KASH5: variants seen among roughly 807,000 people sequenced by gnomAD.
The protein encoded by KASH5 is KASH domain containing 5.
In KASH5, 72 loss-of-function variants were observed where a neutral mutation model predicts 84.2. The observed-to-expected ratio is 0.85, with a 90% CI of 0.71 to 1.04. The LOEUF (loss-of-function observed/expected upper bound fraction) is 1.04, where lower values mean the gene tolerates loss of function less well. Ranked by LOEUF, KASH5 falls within the 50% of genes least tolerant of loss-of-function variation. KASH5 has a pLI of 0.00. For missense variants in KASH5, 650 were observed against 701.0 expected, an observed-to-expected ratio of 0.93 and a Z score of 0.82; for synonymous variants, 260 against 279.1, an observed-to-expected ratio of 0.93 and a Z score of 0.68.
intron 9 of KASH5, among the ~76,000 whole-genome samples, chr19:49,405,956 C>CAAAAA (rs59895865): frequency 1.2e-4 from 8 of 67,844 alleles, no homozygotes; most frequent in African/African-American, 4.0e-4. Flanking sequence ...AACTCCGTCT[C>CAAAAA]AAAAAAAAAA....
intron 2 of KASH5, among the ~76,000 whole-genome samples, chr19:49,392,265 G>A (rs1482033061): frequency 6.6e-6 from 1 of 152,124 alleles, no homozygotes; most frequent in African/African-American, 2.4e-5. Context: ...CACAGAGACT[G>A]AGATACAGGG....
rs2122128630 is a variant in KASH5 at position 49,397,962 on chromosome 19, A to G, written c.468-20A>G. On this transcript the variant is annotated intron_variant, in intron 6 of 19. Coordinates refer to ENST00000447857, the MANE Select transcript of KASH5 (RefSeq NM_144688.5). ...GTCAGGGGCTGTGGACAGTGACCTG[A>G]ACCCCTTCCTTGCCCCTAGACAAGC... 1 of 1,612,570 alleles carries G rather than the reference A, an allele frequency of 6.2e-7. No individual in the cohort carries two copies. Among genetic ancestry groups the G allele is most frequent in the South Asian group, 1.1e-5 (1 of 90,820 alleles).
rs1974288463 is a variant in KASH5 at position 49,399,377 on chromosome 19, T to A, written c.748-80T>A. On this transcript the variant is annotated intron_variant, in intron 8 of 19. Coordinates refer to ENST00000447857, the MANE Select transcript of KASH5 (RefSeq NM_144688.5). The surrounding 1 kb of genome is among the most constrained non-coding windows in gnomAD (Gnocchi z 4.4). ...CCCATTCCCCCAGGCCCTGGTTGTG[T>A]TTTCAGGGGTGGGAGAAGGGCAACA... The A allele has an allele frequency of 7.1e-7, 1 of 1,399,440 alleles. No homozygotes were observed. The highest frequency in any genetic ancestry group is 1.4e-5 in the African/African-American group (1 of 70,394). The allele number at this position is 1,399,440 out of a possible 1,614,324, so 86.7% of individuals were successfully genotyped here.
intron 2 of KASH5, among the ~76,000 whole-genome samples, chr19:49,394,076 T>C (rs558312617): frequency 1.3e-5 from 2 of 152,234 alleles, no homozygotes; most frequent in East Asian, 3.9e-4. Flanking sequence ...TATTGGATTG[T>C]TCCTGGCTCC....
chr19:49,417,383 C>T lies in KASH5; in HGVS notation c.1562C>T (p.Pro521Leu). Residue 521 changes from proline (P) to leucine (L), a missense_variant, in exon 20 of 20, where the codon CCA becomes CTA. By Grantham distance (98) the Pro-to-Leu change is moderately conservative. Transcript: ENST00000447857. This position sits in a 1 kb window ranked among gnomAD's most constrained non-coding sequence, Gnocchi z 5.2. ...PPQRLRVTRH[P>L]LIPAPVLGLL... ...CTCCCCACCAGAGTCACTCGACATCCACTGATCCCAGCTCCTGTCCTGGGC... is the reference window on the plus strand; with the variant it reads ...CTCCCCACCAGAGTCACTCGACATCTACTGATCCCAGCTCCTGTCCTGGGC... The T allele has an allele frequency of 5.1e-6, 8 of 1,553,678 alleles. No homozygotes were observed. The highest frequency in any genetic ancestry group is 6.1e-6 in the Non-Finnish European group (7 of 1,147,952).
intron 9 of KASH5, among the ~76,000 whole-genome samples, chr19:49,403,685 G>A (rs1209867505): frequency 6.6e-6 from 1 of 151,264 alleles, no homozygotes; most frequent in Non-Finnish European, 1.5e-5. Context: ...CTCAGACAGA[G>A]AGAGTAGATC....
In KASH5 at chr19:49,417,748, C is replaced by G; in HGVS notation, c.*238C>G. ...CACTAAGGATTATTCCCTCACAAAA[C>G]AAGCCTGGCGAGGGCAGCTGTGGGC... On this transcript the variant is annotated 3_prime_UTR_variant, in exon 20 of 20. Coordinates refer to ENST00000447857, the MANE Select transcript of KASH5 (RefSeq NM_144688.5). The surrounding 1 kb of genome is among the most constrained non-coding windows in gnomAD (Gnocchi z 5.2). 1 of 495,596 alleles carries G rather than the reference C, an allele frequency of 2.0e-6. No homozygotes were observed. The highest frequency in any genetic ancestry group is 3.2e-6 in the Non-Finnish European group (1 of 311,468). 30.7% of individuals were successfully genotyped at this position (495,596 alleles called of 1,614,324 possible). A position where few individuals can be genotyped will look rare whatever the true frequency, so the allele number is the denominator to read the frequency against.
intron 2 of KASH5, among the ~76,000 whole-genome samples, 194 bp downstream of exon 2, chr19:49,391,120 A>T (rs1055366325): frequency 2.0e-5 from 3 of 151,904 alleles, no homozygotes; most frequent in Non-Finnish European, 2.9e-5. Context: ...ACCTGTCACT[A>T]CCCCTTATCT....
At chr19:49,409,646 ATC>A in intron 14 of KASH5, 105 bp from the exon 15 acceptor site, 2 of 1,400,950 alleles carry the variant, frequency 1.4e-6, no homozygotes, top group Non-Finnish European at 2.0e-6. Flanking sequence ...GCCCTTTTCT[ATC>A]TCTCATCCTA....
chr19:49,398,742 A>G (rs1018295110), intron 7 of KASH5, among the ~76,000 whole-genome samples: 3 of 151,830 alleles, frequency 2.0e-5, no homozygotes, highest in African/African-American at 7.3e-5. Context: ...GTGCTTTGTC[A>G]TTCTTCATGT....
Sources: gnomAD v4.1 joint callset for allele counts (sites outside exome capture counted in the v4.1 genomes callset) on GRCh38, gnomAD v4.1.1 for gene constraint, Gnocchi (gnomAD v3.1) non-coding constraint, MANE v1.5 for transcripts, NCBI Gene and HGNC (gene_info 2026-07-23, HGNC 2026-07-21) for gene names.